Variants in TSPAN7 observed in about 807,000 individuals in gnomAD.
The protein encoded by TSPAN7 is tetraspanin 7, also known as tetraspanin-7.
Under a neutral mutation model 17.6 loss-of-function variants are expected in TSPAN7, and 1 was observed. The observed-to-expected ratio is 0.06, with a 90% confidence interval of 0.02 to 0.27. The LOEUF is 0.27. Ranked by LOEUF, TSPAN7 falls within the 10% of genes least tolerant of loss-of-function variation. TSPAN7 has a pLI of 1.00. For synonymous variants in TSPAN7, 78 were observed against 79.0 expected, an observed-to-expected ratio of 0.99 and a Z score of 0.07; for missense variants, 112 against 201.7, an observed-to-expected ratio of 0.56 and a Z score of 2.69.
intron 1 of TSPAN7, among the ~76,000 whole-genome samples, chrX:38,573,386 A>G (rs1210423027): frequency 1.8e-5 from 2 of 111,763 alleles, no homozygotes; most frequent in East Asian, 5.6e-4. Context: ...TAAGTCTGAC[A>G]CTTACAGTCA....
At chrX:38,664,466 A>G (rs1196738958) in intron 1 of TSPAN7, among the ~76,000 whole-genome samples, 1 of 111,513 alleles carries the variant, frequency 9.0e-6, no homozygotes, top group Non-Finnish European at 1.9e-5. Context: ...GCTCAAGGAA[A>G]GTACTTTTTT....
At chrX:38,612,232 G>A (rs1457527724) in intron 1 of TSPAN7, 1 of 111,701 alleles carries the variant, frequency 9.0e-6, no homozygotes, top group Admixed American at 9.5e-5. Flanking sequence ...GCGCCCAGCA[G>A]GAATGTGGTG....
chrX:38,660,358 C>G, intron 1 of TSPAN7, among the ~76,000 whole-genome samples: 1 of 112,079 alleles, frequency 8.9e-6, no homozygotes, highest in Non-Finnish European at 1.9e-5. Context: ...GGTTTCTTTG[C>G]TTTTCTGGTC....
chrX:38,680,539 T>TTCTCTCTCTCTATC (rs1556002357), intron 5 of TSPAN7, among the ~76,000 whole-genome samples: 3 of 75,609 alleles, frequency 4.0e-5, no homozygotes, highest in African/African-American at 1.5e-4. Flanking sequence ...TACTTACAAA[T>TTCTCTCTCTCTATC]TCTCTCTCTC....
chrX:38,680,301 A>G (rs1046929748), intron 5 of TSPAN7, among the ~76,000 whole-genome samples: 1 of 111,211 alleles, frequency 9.0e-6, no homozygotes, highest in Non-Finnish European at 1.9e-5. Flanking sequence ...AAAAGGGAAA[A>G]CATGGCTGGT....
intron 2 of TSPAN7, among the ~76,000 whole-genome samples, chrX:38,667,172 A>G (rs1182603768): frequency 2.7e-5 from 3 of 111,643 alleles, no homozygotes; most frequent in Non-Finnish European, 5.6e-5. Context: ...GTTGGCTACC[A>G]GGACCAGTGC....
intron 1 of TSPAN7, among the ~76,000 whole-genome samples, chrX:38,572,573 A>G (rs770746478): frequency 6.3e-5 from 7 of 111,521 alleles, no homozygotes; most frequent in Non-Finnish European, 1.1e-4. Context: ...CTGCACCTCA[A>G]TTCCCATTCA....
At chrX:38,587,010 A>G (rs755949843) in intron 1 of TSPAN7, among the ~76,000 whole-genome samples, 1 of 112,479 alleles carries the variant, frequency 8.9e-6, no homozygotes, top group East Asian at 2.8e-4. Context: ...AAAGTTTTCA[A>G]CTGGGGGTGG....
chrX:38,668,364 ATAGT>A (rs2069796787), intron 2 of TSPAN7, among the ~76,000 whole-genome samples: 1 of 112,245 alleles, frequency 8.9e-6, no homozygotes. Context: ...AAACAATGGA[ATAGT>A]TAGTTCTGGC....
At chrX:38,562,617 C>T (rs1254806462) in intron 1 of TSPAN7, among the ~76,000 whole-genome samples, 3 of 109,748 alleles carry the variant, frequency 2.7e-5, no homozygotes, top group Non-Finnish European at 5.7e-5. Flanking sequence ...TGTGCCTTAC[C>T]TCATCCTGTT....
rs753142448 is a variant in TSPAN7 at position 38,605,465 on chromosome X, C to T, written c.81+43838C>T. On this transcript the variant is annotated intron_variant, in intron 1 of 7. Coordinates refer to ENST00000378482, the MANE Select transcript of TSPAN7 (RefSeq NM_004615.4). The stretch of plus-strand genomic sequence containing the variant: ...GCTCATGTGTAGGAAGAATCAATAT[C>T]GTGAAAATGGCCATACTGCCCAAGG... Among the ~76,000 whole-genome samples, 175 of 110,637 alleles carry T rather than the reference C, an allele frequency of 1.6e-3. 1 individual carries two copies. Among genetic ancestry groups the T allele is most frequent in the African/African-American group, 5.3e-3 (161 of 30,363 alleles).
chrX:38,578,052 C>G (rs1020748503), intron 1 of TSPAN7, among the ~76,000 whole-genome samples: 1 of 110,505 alleles, frequency 9.0e-6, no homozygotes, highest in African/African-American at 3.3e-5. Flanking sequence ...CACCTCATTT[C>G]CTCCTCTCTT....
chrX:38,606,367 A>T (rs932322792), intron 1 of TSPAN7, among the ~76,000 whole-genome samples: 29 of 112,270 alleles, frequency 2.6e-4, no homozygotes, highest in Admixed American at 1.6e-3. Flanking sequence ...ATGTAACATT[A>T]AGTGGAGACT....
intron 1 of TSPAN7, among the ~76,000 whole-genome samples, chrX:38,655,206 G>A (rs893708894): frequency 2.7e-5 from 3 of 111,697 alleles, no homozygotes; most frequent in Non-Finnish European, 5.6e-5. Context: ...TAGAGAATGG[G>A]GGCAAGGGTG....
chrX:38,646,191 C>A, intron 1 of TSPAN7: 2 of 967,397 alleles, frequency 2.1e-6, no homozygotes, highest in African/African-American at 2.0e-5. Context: ...AAAAAGTAAT[C>A]TGGCAAAAAG....
chrX:38,636,528 C>G (rs950383457), intron 1 of TSPAN7, among the ~76,000 whole-genome samples: 4 of 111,326 alleles, frequency 3.6e-5, no homozygotes, highest in Non-Finnish European at 7.5e-5. Context: ...AGCCCCAAGG[C>G]TATCATATTG....
At chrX:38,580,358 T>C (rs1287389650) in intron 1 of TSPAN7, among the ~76,000 whole-genome samples, 1 of 112,427 alleles carries the variant, frequency 8.9e-6, no homozygotes, top group Non-Finnish European at 1.9e-5. Flanking sequence ...GTCCCCGTTT[T>C]CCATACTTAG....
At chrX:38,566,533 CAA>C (rs2069144517) in intron 1 of TSPAN7, among the ~76,000 whole-genome samples, 1 of 111,651 alleles carries the variant, frequency 9.0e-6, no homozygotes, top group African/African-American at 3.3e-5. Context: ...TTTTTTAAAA[CAA>C]TGTTATTTCT....
intron 3 of TSPAN7, among the ~76,000 whole-genome samples, chrX:38,673,364 C>T (rs868571783): frequency 1.2e-5 from 1 of 85,969 alleles, no homozygotes. Context: ...GTTTTGTTAA[C>T]TTTTTTTTTT....
Sources: gnomAD v4.1 joint callset for allele counts (sites outside exome capture counted in the v4.1 genomes callset) on GRCh38, gnomAD v4.1.1 for gene constraint, MANE v1.5 for transcripts, NCBI Gene and HGNC (gene_info 2026-07-23, HGNC 2026-07-21) for gene names.